Variants in FAM120AOS observed in about 807,000 individuals in gnomAD.
FAM120AOS encodes family with sequence similarity 120 member A opposite strand, also known as uncharacterized protein FAM120AOS.
A neutral mutation model predicts 20.2 loss-of-function variants in FAM120AOS; 15 were observed. The ratio of observed to expected loss-of-function variants is 0.74; its 90% confidence interval spans 0.50 to 1.15. FAM120AOS has a LOEUF of 1.15. FAM120AOS is among the 50% of genes most tolerant of loss of function. The pLI is 0.00. For synonymous variants in FAM120AOS, 154 were observed against 154.0 expected (o/e 1.00, Z 0.00); for missense variants, 327 against 351.9 (o/e 0.93, Z 0.57).
rs145547619 is a variant in FAM120AOS at position 93,445,325 on chromosome 9, G to A, written c.*2286C>T. ...AATTGTGTATAGTTTTGGTGAGATC[G>A]TCAATCCAGGAACCTGTTTCCCCAT... On this transcript the variant is annotated 3_prime_UTR_variant, in exon 3 of 3. Coordinates refer to ENST00000375412, the MANE Select transcript of FAM120AOS (RefSeq NM_198841.4). Among the ~76,000 whole-genome samples, 1 of 152,224 alleles carries A rather than the reference G, an allele frequency of 6.6e-6. No homozygotes were observed. The highest frequency in any genetic ancestry group is 1.5e-5 in the Non-Finnish European group (1 of 68,016).
Position 93,447,701 on chromosome 9 carries a change from A to T in FAM120AOS, c.685-4T>A. The T allele has an allele frequency of 6.3e-7, 1 of 1,599,936 alleles. No homozygotes were observed. Among genetic ancestry groups the T allele is most frequent in the Admixed American group, 1.7e-5 (1 of 58,014 alleles). On this transcript the variant is annotated splice_region_variant and splice_polypyrimidine_tract_variant and intron_variant, in intron 2 of 2. Transcript: ENST00000375412. ...TGACAGAACAGCTTCTGGAAATCTG[A>T]AAAGAAAAAAAAAAAGGTAGTTTAT...
Position 93,444,930 on chromosome 9 carries a change from A to C in FAM120AOS, c.*2681T>G, listed in dbSNP as rs115650155. Among the ~76,000 whole-genome samples the C allele has an allele frequency of 0.024, 3,627 of 152,274 alleles. 71 individuals carry two copies. Among genetic ancestry groups the C allele is most frequent in the Middle Eastern group, 0.031 (9 of 294 alleles). On this transcript the variant is annotated 3_prime_UTR_variant, in exon 3 of 3. Coordinates refer to ENST00000375412, the MANE Select transcript of FAM120AOS (RefSeq NM_198841.4). ...CACCCGGCCAGTTCTGCATTTCTTAAGAGAATCTTTGTGAGAAGATGTAGA... is the reference window on the plus strand; with the variant it reads ...CACCCGGCCAGTTCTGCATTTCTTACGAGAATCTTTGTGAGAAGATGTAGA...
Position 93,452,825 on chromosome 9 carries a change from G to C in FAM120AOS, c.-116C>G. On this transcript the variant is annotated 5_prime_UTR_variant, in exon 1 of 3. Coordinates refer to ENST00000375412, the MANE Select transcript of FAM120AOS (RefSeq NM_198841.4). The surrounding 1 kb of genome is among the most constrained non-coding windows in gnomAD (Gnocchi z 7.0). ...TCATCTTGGAAGCAGGCAGGATACAGAGTAATAGAGGGGGTTTCGCCAGAG... is the reference window on the plus strand; with the variant it reads ...TCATCTTGGAAGCAGGCAGGATACACAGTAATAGAGGGGGTTTCGCCAGAG... The C allele has an allele frequency of 1.9e-6, 3 of 1,555,218 alleles. No homozygotes were observed. The highest frequency in any genetic ancestry group is 1.4e-5 in the African/African-American group (1 of 73,172).
intron 2 of FAM120AOS, chr9:93,448,619 TTTTA>T (rs1856945758): frequency 6.6e-6 from 1 of 152,424 alleles, no homozygotes; most frequent in Admixed American, 6.6e-5. Context: ...GATGTTTATT[TTTTA>T]TTTTTTATTT....
rs1013571507 is a variant in FAM120AOS, at chr9:93,446,066, A to G, written c.*1545T>C. On this transcript the variant is annotated 3_prime_UTR_variant, in exon 3 of 3. Coordinates refer to ENST00000375412, the MANE Select transcript of FAM120AOS (RefSeq NM_198841.4). ...TGGGAGGAATGGGGAAGGGGACTTT[A>G]TAGGGCAGAGCTTTCCCAGACTCTT... Among the ~76,000 whole-genome samples, 4 of 152,178 alleles carry G rather than the reference A, an allele frequency of 2.6e-5. No homozygotes were observed. Among genetic ancestry groups the G allele is most frequent in the Non-Finnish European group, 5.9e-5 (4 of 68,032 alleles).
In FAM120AOS at chr9:93,447,374, G is replaced by C; in HGVS notation, c.*237C>G. On this transcript the variant is annotated 3_prime_UTR_variant, in exon 3 of 3. Transcript: ENST00000375412. ...CAGTCGCTGTTTGTCTTATTTTCTT[G>C]TTGACTCTACTCTGACTTAGGACAT... is the stretch of plus-strand genomic sequence containing the variant. 1 of 454,756 alleles carries C rather than the reference G, an allele frequency of 2.2e-6. No individual in the cohort carries two copies. The allele number at this position is 454,756 out of a possible 1,614,324, so 28.2% of individuals were successfully genotyped here. A position where few individuals can be genotyped will look rare whatever the true frequency, so the allele number is the denominator to read the frequency against.
Position 93,452,601 on chromosome 9 carries a change from T to A in FAM120AOS, c.109A>T (p.Arg37Trp), listed in dbSNP as rs910511979. 2 of 1,598,866 alleles carry A rather than the reference T, an allele frequency of 1.3e-6. No individual in the cohort carries two copies. Among genetic ancestry groups the A allele is most frequent in the Non-Finnish European group, 1.7e-6 (2 of 1,179,594 alleles). ...SVPTRPRTPN[R>W]DSWRRAWAAR... ...GCCCAAGCCCGTCTCCAGCTGTCCCTGTTCGGGGTCCGCGGCCGCGTGGGG... is the reference window on the plus strand; with the variant it reads ...GCCCAAGCCCGTCTCCAGCTGTCCCAGTTCGGGGTCCGCGGCCGCGTGGGG... Residue 37 changes from arginine (R) to tryptophan (W), a missense_variant, in exon 1 of 3, where the codon AGG (arginine) becomes TGG (tryptophan). Coordinates refer to ENST00000375412, the MANE Select transcript of FAM120AOS (RefSeq NM_198841.4). The surrounding 1 kb of genome is among the most constrained non-coding windows in gnomAD (Gnocchi z 7.0).
chr9:93,450,911 G>A, intron 1 of FAM120AOS: 3 of 1,091,992 alleles, frequency 2.7e-6, no homozygotes, highest in Non-Finnish European at 4.1e-6. Flanking sequence ...CCATTGCGCA[G>A]TGGTAACGCA....
intron 2 of FAM120AOS, chr9:93,448,279 A>C (rs1856929754): frequency 6.5e-6 from 1 of 153,518 alleles, no homozygotes. Context: ...GGATCACTTG[A>C]AGTCAGGAGT....
In FAM120AOS at chr9:93,446,377, T is replaced by C. The variant is rs988802133; in HGVS notation, c.*1234A>G. The C allele has an allele frequency of 2.6e-5, 4 of 152,278 alleles. No homozygotes were observed. The highest frequency in any genetic ancestry group is 2.1e-4 in the South Asian group (1 of 4,824). 9.4% of individuals were successfully genotyped at this position (152,278 alleles called of 1,614,324 possible). ...GAGAGACTTGCTTCCTCTGGAAAGATCTTTATGGTTTACACAAATGTAACA... is the reference window on the plus strand; with the variant it reads ...GAGAGACTTGCTTCCTCTGGAAAGACCTTTATGGTTTACACAAATGTAACA... On this transcript the variant is annotated 3_prime_UTR_variant, in exon 3 of 3. Transcript: ENST00000375412.
At position 93,452,032 on chromosome 9, in the gene FAM120AOS, C is replaced by G. The variant is rs887666237; in HGVS notation, c.563+115G>C. 1.3e-6 allele frequency: 2 copies of G among 1,565,446 alleles called. No homozygotes were observed. Among genetic ancestry groups the G allele is most frequent in the East Asian group, 2.4e-5 (1 of 42,528 alleles). ...TGGTGGGCGGCGGGCGGCAGCGGCC[C>G]CCGCAGACCCCGCTGCGCCTGCTGG... On this transcript the variant is annotated intron_variant, in intron 1 of 2. Transcript: ENST00000375412. The surrounding 1 kb of genome is among the most constrained non-coding windows in gnomAD (Gnocchi z 7.0).
Position 93,450,603 on chromosome 9 carries a change from C to CA in FAM120AOS, c.564-5dup, listed in dbSNP as rs142905434. On this transcript the variant is annotated splice_region_variant and splice_polypyrimidine_tract_variant and intron_variant, in intron 1 of 2. Transcript: ENST00000375412. ...TCCTGCTCCTCTACAGAGGTTTCTC[C>CA]AAAAAAAGAACAAATGGAGAGATGA... The CA allele has an allele frequency of 5.8e-3, 9,318 of 1,603,680 alleles. 241 individuals carry two copies. The African/African-American group carries it at 0.06, about 10-fold the overall frequency.
Position 93,444,074 on chromosome 9 carries a change from C to G in FAM120AOS, c.*3537G>C, listed in dbSNP as rs1856774796. Among the ~76,000 whole-genome samples, 1 of 152,136 alleles carries G rather than the reference C, an allele frequency of 6.6e-6. No homozygotes were observed. Among genetic ancestry groups the G allele is most frequent in the African/African-American group, 2.4e-5 (1 of 41,442 alleles). ...TTGTTTTTTGAGACGGAGTTTTGCT[C>G]TTGCTGTCCAGGCTGGAGTGCAATG... is the stretch of plus-strand genomic sequence containing the variant. On this transcript the variant is annotated 3_prime_UTR_variant, in exon 3 of 3. Transcript: ENST00000375412.
Position 93,453,515 on chromosome 9 carries a change from AAGTTTGTGAAATT to A in FAM120AOS, c.-819_-807del. 1.0e-6 allele frequency: 1 copy of A among 985,402 alleles called. No individual in the cohort carries two copies. Among genetic ancestry groups the A allele is most frequent in the Non-Finnish European group, 1.2e-6 (1 of 829,906 alleles). 61.0% of individuals were successfully genotyped at this position (985,402 alleles called of 1,614,324 possible). ...ATTTCCTTGAAACTGCTGGAGCTGA[AAGTTTGTGAAATT>A]CTGTCTTCGCGGTTGCCCCCACTGC... On this transcript the variant is annotated 5_prime_UTR_variant, in exon 1 of 3. Coordinates refer to ENST00000375412, the MANE Select transcript of FAM120AOS (RefSeq NM_198841.4).
Position 93,446,772 on chromosome 9 carries a change from A to G in FAM120AOS, c.*839T>C, listed in dbSNP as rs1453803661. 6.6e-6 allele frequency: 1 copy of G among 152,152 alleles called. No individual in the cohort carries two copies. The highest frequency in any genetic ancestry group is 1.5e-5 in the Non-Finnish European group (1 of 68,032). The allele number at this position is 152,152 out of a possible 1,614,324, so 9.4% of individuals were successfully genotyped here. A position where few individuals can be genotyped will look rare whatever the true frequency, so the allele number is the denominator to read the frequency against. On this transcript the variant is annotated 3_prime_UTR_variant, in exon 3 of 3. Transcript: ENST00000375412. Reference sequence around the variant, plus strand: ...AGAACAACTCTTCTCTTCCACATAGATATTTTTGCATCAGCCCAAAGCTAT... The same window carrying G: ...AGAACAACTCTTCTCTTCCACATAGGTATTTTTGCATCAGCCCAAAGCTAT...
chr9:93,451,548 G>T, intron 1 of FAM120AOS: 2 of 985,642 alleles, frequency 2.0e-6, no homozygotes, highest in Non-Finnish European at 2.4e-6. Flanking sequence ...CCGCCTCCGG[G>T]AGCCCCGAGC....
intron 2 of FAM120AOS, among the ~76,000 whole-genome samples, chr9:93,447,935 G>A (rs192801774): frequency 5.3e-5 from 8 of 152,314 alleles, no homozygotes; most frequent in Admixed American, 5.2e-4. Flanking sequence ...GCCTACAGAT[G>A]TGTGTGTTCT....
chr9:93,449,230 C>G (rs1464666760), intron 2 of FAM120AOS, among the ~76,000 whole-genome samples: 1 of 152,054 alleles, frequency 6.6e-6, no homozygotes, highest in African/African-American at 2.4e-5. Flanking sequence ...ACTACAAAAG[C>G]CAACATTTAT....
At chr9:93,450,891 T>TTG in intron 1 of FAM120AOS, 1 of 986,010 alleles carries the variant, frequency 1.0e-6, no homozygotes, top group Non-Finnish European at 1.6e-6. Context: ...AGGCGCACGT[T>TTG]TCAGTCTAGC....
Sources: gnomAD v4.1 joint callset for allele counts (sites outside exome capture counted in the v4.1 genomes callset) on GRCh38, gnomAD v4.1.1 for gene constraint, Gnocchi (gnomAD v3.1) non-coding constraint, MANE v1.5 for transcripts, NCBI Gene and HGNC (gene_info 2026-07-23, HGNC 2026-07-21) for gene names.